Variants in PCDHA11 observed in about 807,000 individuals in gnomAD.
PCDHA11 encodes the protein protocadherin alpha 11.
A neutral mutation model predicts 70.3 loss-of-function variants in PCDHA11; 61 were observed. That is an observed-to-expected ratio of 0.87 (90% CI 0.71 to 1.07). PCDHA11 has a LOEUF of 1.07. Among genes scored for constraint, PCDHA11 ranks in the 50% least tolerant of loss-of-function variants. PCDHA11 has a pLI of 0.00. For synonymous variants in PCDHA11, 633 were observed against 555.1 expected (o/e 1.14, Z -1.97); for missense variants, 1,324 against 1,237.5 (o/e 1.07, Z -1.05).
At chr5:140,903,625 A>T (rs2153481028) in intron 1 of PCDHA11, among the ~76,000 whole-genome samples, 1 of 152,362 alleles carries the variant, frequency 6.6e-6, no homozygotes, top group East Asian at 1.9e-4. Context: ...GTGCATGCAT[A>T]TGTATGCATA....
chr5:140,877,908 T>G (rs1554170220), intron 1 of PCDHA11: 2 of 1,433,428 alleles, frequency 1.4e-6, no homozygotes, highest in East Asian at 2.5e-5. Context: ...ATAACTACAT[T>G]CTCTCATTTT....
intron 1 of PCDHA11, chr5:140,876,199 G>C: frequency 6.2e-7 from 1 of 1,613,940 alleles, no homozygotes; most frequent in South Asian, 1.1e-5. Flanking sequence ...TCCGGCGTTT[G>C]ATAAGCCCAG....
intron 1 of PCDHA11, among the ~76,000 whole-genome samples, chr5:140,965,126 A>C (rs540121719): frequency 7.9e-5 from 12 of 152,372 alleles, no homozygotes; most frequent in African/African-American, 2.6e-4. Flanking sequence ...GAAGATCTAC[A>C]GATGACAGAA....
chr5:140,967,100 G>A, intron 1 of PCDHA11: 1 of 1,613,092 alleles, frequency 6.2e-7, no homozygotes, highest in Non-Finnish European at 8.5e-7. Context: ...GGCGCTGTGT[G>A]AGCAGCGGCC....
In PCDHA11 at chr5:140,871,254, T is replaced by C. The variant is rs2052877149; in HGVS notation, c.2151T>C (p.Tyr717=). The part of the protein sequence containing the change: ...SSLLVLTLLL[Y]TALWWSATPT... The stretch of plus-strand genomic sequence containing the variant: ...TCCTGGTACTCACGCTGCTGCTGTA[T>C]ACGGCGCTGTGGTGGTCGGCAACGC... Residue 717 remains tyrosine, a synonymous_variant, in exon 1 of 4, where the codon TAT becomes TAC. Transcript: ENST00000398640. The C allele has an allele frequency of 6.8e-6, 11 of 1,613,826 alleles. No individual in the cohort carries two copies. Among genetic ancestry groups the C allele is most frequent in the Admixed American group, 1.7e-5 (1 of 59,996 alleles).
chr5:140,883,159 G>T (rs782151764), intron 1 of PCDHA11: 3 of 1,613,846 alleles, frequency 1.9e-6, no homozygotes, highest in South Asian at 1.1e-5. Flanking sequence ...CCATAAATCC[G>T]AACAATGGAG....
chr5:140,945,659 G>C (rs2093824580), intron 1 of PCDHA11, among the ~76,000 whole-genome samples: 1 of 152,090 alleles, frequency 6.6e-6, no homozygotes, highest in Non-Finnish European at 1.5e-5. Context: ...GCAGAATACA[G>C]CTCCCAGAAA....
chr5:140,890,068 T>C (rs1353953909), intron 1 of PCDHA11, among the ~76,000 whole-genome samples: 2 of 152,196 alleles, frequency 1.3e-5, no homozygotes, highest in African/African-American at 4.8e-5. Flanking sequence ...TTTACTGGCT[T>C]ATGAGAACTG....
chr5:140,878,027 G>C, intron 1 of PCDHA11: 1 of 699,256 alleles, frequency 1.4e-6, no homozygotes, highest in Non-Finnish European at 2.1e-6. Flanking sequence ...GAAATATGTA[G>C]GTACAATGGA....
intron 1 of PCDHA11, among the ~76,000 whole-genome samples, chr5:140,932,592 T>C (rs1435571468): frequency 7.2e-5 from 11 of 151,922 alleles, no homozygotes; most frequent in Non-Finnish European, 2.9e-5. Context: ...AGATGTTTTG[T>C]ATATCTATTT....
intron 1 of PCDHA11, among the ~76,000 whole-genome samples, chr5:140,918,108 A>G (rs1283760333): frequency 2.6e-5 from 4 of 152,166 alleles, no homozygotes; most frequent in Non-Finnish European, 5.9e-5. Context: ...GATCTTTCAC[A>G]TCCTTGATTA....
intron 3 of PCDHA11, among the ~76,000 whole-genome samples, chr5:141,007,425 A>G (rs369535619): frequency 6.6e-4 from 98 of 148,834 alleles, no homozygotes; most frequent in African/African-American, 2.3e-3. Context: ...AAAATTAGCC[A>G]GGCATGGTGG....
chr5:140,891,226 C>T (rs1417836006), intron 1 of PCDHA11, among the ~76,000 whole-genome samples: 1 of 152,026 alleles, frequency 6.6e-6, no homozygotes, highest in Admixed American at 6.6e-5. Flanking sequence ...TTATAATCAT[C>T]CTGTTCTGGA....
At chr5:140,875,467 T>G in intron 1 of PCDHA11, 2 of 1,600,082 alleles carry the variant, frequency 1.2e-6, no homozygotes, top group Non-Finnish European at 1.7e-6. Flanking sequence ...GCCCTCATTT[T>G]CTGCAATGGT....
At chr5:140,937,399 T>C (rs2091517737) in intron 1 of PCDHA11, among the ~76,000 whole-genome samples, 1 of 152,226 alleles carries the variant, frequency 6.6e-6, no homozygotes, top group African/African-American at 2.4e-5. Context: ...TATAGGGGTA[T>C]TGCACAACTT....
intron 1 of PCDHA11, chr5:140,966,660 A>G: frequency 8.2e-7 from 1 of 1,217,300 alleles, no homozygotes; most frequent in Non-Finnish European, 1.1e-6. Context: ...GCGGTGGGGG[A>G]GCAGGCGCAG....
chr5:140,875,952 G>A (rs782164384), intron 1 of PCDHA11: 2 of 1,614,102 alleles, frequency 1.2e-6, no homozygotes, highest in South Asian at 2.2e-5. Flanking sequence ...CTTCTGATGC[G>A]GATATCGGCG....
chr5:140,901,767 T>C (rs1341707404), intron 1 of PCDHA11, among the ~76,000 whole-genome samples: 5 of 152,252 alleles, frequency 3.3e-5, no homozygotes, highest in African/African-American at 1.2e-4. Flanking sequence ...AGGGATTGCA[T>C]TGAATTTGTA....
chr5:140,993,508 ACG>A (rs2097567607), intron 3 of PCDHA11, among the ~76,000 whole-genome samples: 1 of 147,006 alleles, frequency 6.8e-6, no homozygotes, highest in Non-Finnish European at 1.5e-5. Context: ...ACACACACAC[ACG>A]GGGAGAGAGA....
Sources: allele counts gnomAD v4.1 joint callset (sites outside exome capture counted in the v4.1 genomes callset), GRCh38; gene constraint gnomAD v4.1.1; transcripts MANE v1.5; gene names NCBI Gene and HGNC (gene_info 2026-07-23, HGNC 2026-07-21).